Variants in ACYP1 observed in about 807,000 individuals in gnomAD.
ACYP1 encodes acylphosphatase 1, also known as acylphosphatase-1.
In ACYP1, 8 loss-of-function variants were observed where a neutral mutation model predicts 10.4. The observed-to-expected ratio is 0.77, with a 90% CI of 0.45 to 1.38. ACYP1 has a LOEUF of 1.38. Ranked by LOEUF, ACYP1 falls within the 40% of genes most tolerant of loss-of-function variation. ACYP1 has a pLI of 0.00. For synonymous variants in ACYP1, 38 were observed against 40.8 expected (o/e 0.93, Z 0.26); for missense variants, 93 against 117.3 (o/e 0.79, Z 0.96).
chr14:75,060,949 C>T (rs573931541), intron 2 of ACYP1, among the ~76,000 whole-genome samples: 1 of 152,194 alleles, frequency 6.6e-6, no homozygotes, highest in East Asian at 1.9e-4. Context: ...TGCCTGTAAT[C>T]CCGGCTACCT....
At chr14:75,064,088 TC>T (rs2139661396), upstream of ACYP1, 1 of 960,708 alleles carries the variant, frequency 1.0e-6, no homozygotes, top group Non-Finnish European at 1.2e-6. Context: ...GCCCATCACC[TC>T]CAGCTGACCA....
At chr14:75,063,637 C>T (rs1893084862) in intron 1 of ACYP1, 76 bp from the exon 2 acceptor site, 15 of 1,191,184 alleles carry the variant, frequency 1.3e-5, no homozygotes, top group Admixed American at 1.8e-5. Context: ...GAAAGGGCCA[C>T]ACCCACCCCT....
upstream of ACYP1, chr14:75,064,112 G>A (rs768546540): frequency 2.4e-4 from 211 of 881,840 alleles, 2 homozygotes; most frequent in Non-Finnish European, 2.7e-4. Flanking sequence ...CAGAGACGGC[G>A]CCTCGGCCCG....
chr14:75,061,404 T>C (rs1416868152), intron 2 of ACYP1, among the ~76,000 whole-genome samples: 1 of 152,174 alleles, frequency 6.6e-6, no homozygotes, highest in African/African-American at 2.4e-5. Context: ...CAGCAAACAT[T>C]GCAGCAAAAC....
At chr14:75,069,381 G>A (rs1053174875) in exon 1 of ACYP1, 4 of 1,046,692 alleles carry the variant, frequency 3.8e-6, no homozygotes, top group Admixed American at 3.7e-5. Flanking sequence ...GTCGTTCTCA[G>A]AAAAGTACAA....
At position 75,063,510 on chromosome 14, in the gene ACYP1, A is replaced by G. The variant is rs1272628175; in HGVS notation, c.44T>C (p.Phe15Ser). The G allele has an allele frequency of 2.5e-6, 4 of 1,613,820 alleles. No individual in the cohort carries two copies. The African/African-American group carries it at 4.0e-5, about 16-fold the overall frequency. ...GAAAAACACCCCTTGCACCTTCCCA[A>G]AAATTTCATAATCCACTGATATCAG... The part of the protein sequence containing the change: ...NTLISVDYEI[F>S]GKVQGVFFRK... Residue 15 changes from phenylalanine (F) to serine (S), a missense_variant, in exon 2 of 3, where the codon TTT (phenylalanine) becomes TCT (serine). Coordinates refer to ENST00000238618, the MANE Select transcript of ACYP1 (RefSeq NM_001107.5).
intron 2 of ACYP1, among the ~76,000 whole-genome samples, chr14:75,060,912 CAA>C (rs752795889): frequency 2.0e-5 from 3 of 152,104 alleles, no homozygotes; most frequent in African/African-American, 4.8e-5. Context: ...ACTAAAAATA[CAA>C]AAGTTAACTG....
intron 2 of ACYP1, chr14:75,060,017 G>A: frequency 2.8e-6 from 1 of 358,246 alleles, no homozygotes; most frequent in African/African-American, 2.1e-5. Flanking sequence ...AAGATGAAAA[G>A]CGTTCTGTAG....
intron 2 of ACYP1, chr14:75,060,305 C>A: frequency 1.5e-6 from 1 of 653,794 alleles, no homozygotes; most frequent in Non-Finnish European, 2.7e-6. Flanking sequence ...TACCTCATAC[C>A]CACTAGGATG....
chr14:75,068,677 G>A (rs1459352213), upstream of ACYP1, among the ~76,000 whole-genome samples: 1 of 151,658 alleles, frequency 6.6e-6, no homozygotes, highest in African/African-American at 2.4e-5. Context: ...TATACGGAGA[G>A]GCGGTAGAGT....
chr14:75,068,980 G>C (rs928590388), upstream of ACYP1, among the ~76,000 whole-genome samples: 24 of 152,344 alleles, frequency 1.6e-4, no homozygotes, highest in Admixed American at 1.5e-3. Flanking sequence ...AGGTTATACT[G>C]ATTATTTTCG....
chr14:75,058,783 T>G (rs2139651372), intron 2 of ACYP1, among the ~76,000 whole-genome samples: 1 of 146,204 alleles, frequency 6.8e-6, no homozygotes. Context: ...CAAATGGTGC[T>G]GGGACAACTG....
At position 75,058,318 on chromosome 14, in the gene ACYP1, G is replaced by A. The variant is rs1001845317; in HGVS notation, c.85-4659C>T. ...ACAAAAATTAGCTGGGTGTGGTGGC[G>A]GGTGCCTGTAATCCCAGCCACTTGG... On this transcript the variant is annotated intron_variant, in intron 2 of 2. Transcript: ENST00000238618. 6.6e-5 allele frequency among the ~76,000 whole-genome samples: 10 copies of A among 151,258 alleles called. 1 individual carries two copies. The East Asian group carries it at 1.4e-3, about 21-fold the overall frequency.
In ACYP1 at chr14:75,055,449, G is replaced by A. The variant is rs543032393; in HGVS notation, c.85-1790C>T. On this transcript the variant is annotated intron_variant, in intron 2 of 2. Coordinates refer to ENST00000238618, the MANE Select transcript of ACYP1 (RefSeq NM_001107.5). ...AATTTGACCAGTGTTGAGAATGGGC[G>A]TTTCCTACTGGTTTCATTTGTGTGC... Among the ~76,000 whole-genome samples the A allele has an allele frequency of 1.2e-4, 18 of 151,226 alleles. No homozygotes were observed. The South Asian group carries it at 3.0e-3, about 25-fold the overall frequency.
At chr14:75,054,969 C>T (rs1287285825) in intron 2 of ACYP1, among the ~76,000 whole-genome samples, 1 of 150,300 alleles carries the variant, frequency 6.7e-6, no homozygotes, top group Admixed American at 6.6e-5. Flanking sequence ...ATCTCCAGTT[C>T]TTAAGAGTTA....
chr14:75,059,176 T>TAAAA (rs71119344), intron 2 of ACYP1, among the ~76,000 whole-genome samples: 1 of 97,372 alleles, frequency 1.0e-5, no homozygotes, highest in Non-Finnish European at 1.9e-5. Context: ...GACTCTGTCT[T>TAAAA]AAAAAAAAAA....
chr14:75,053,588 C>G lies in ACYP1; in HGVS notation c.156G>C (p.Leu52Phe), dbSNP rs745358111. The G allele has an allele frequency of 4.3e-6, 7 of 1,614,130 alleles. No homozygotes were observed. In the South Asian group the frequency reaches 5.5e-5, roughly 13 times the overall value. Residue 52 changes from leucine to phenylalanine, a missense_variant, in exon 3 of 3, where the codon TTG (leucine) becomes TTC (phenylalanine). Coordinates refer to ENST00000238618, the MANE Select transcript of ACYP1 (RefSeq NM_001107.5). ...NTDRGTVQGQ[L>F]QGPISKVRHM... ...GACGCACCTTGGAGATGGGACCTTG[C>G]AATTGTCCTTGCACTGTGCCCCGGT...
chr14:75,066,951 G>T (rs1338384292), upstream of ACYP1, among the ~76,000 whole-genome samples: 1 of 152,196 alleles, frequency 6.6e-6, no homozygotes, highest in African/African-American at 2.4e-5. Flanking sequence ...GCATGCAAGG[G>T]CACACTGGAG....
chr14:75,062,571 T>C (rs1566620506), intron 2 of ACYP1, among the ~76,000 whole-genome samples: 2 of 150,044 alleles, frequency 1.3e-5, no homozygotes, highest in African/African-American at 2.5e-5. Flanking sequence ...ATCCCAGCAC[T>C]TGGGGAGGCT....
Sources: gnomAD v4.1 joint callset for allele counts (sites outside exome capture counted in the v4.1 genomes callset) on GRCh38, gnomAD v4.1.1 for gene constraint, MANE v1.5 for transcripts, NCBI Gene and HGNC (gene_info 2026-07-23, HGNC 2026-07-21) for gene names.